The following ARID1A variants were observed in gnomAD, a reference collection of about 807,000 sequenced individuals.
ARID1A encodes AT-rich interactive domain-containing protein 1A.
In ARID1A, 20 loss-of-function variants were observed where a neutral mutation model predicts 212.6. The observed-to-expected ratio is 0.09, with a 90% CI of 0.07 to 0.14. The LOEUF (loss-of-function observed/expected upper bound fraction) is 0.14. Ranked by LOEUF, ARID1A falls within the 10% of genes least tolerant of loss-of-function variation. ARID1A has a pLI of 1.00. For synonymous variants in ARID1A, 1,376 were observed against 1,222.1 expected, an observed-to-expected ratio of 1.13 and a Z score of -2.63; for missense variants, 2,587 against 3,059.0, an observed-to-expected ratio of 0.85 and a Z score of 3.64.
In ARID1A at chr1:26,773,877, A is replaced by T. The variant is rs749049843; in HGVS notation, c.4080A>T (p.Thr1360=). ...GCCCCTTCCCCAGCCAGCAGACTAC[A>T]ATGTATCAACAGCAACAGCAGGTGA... is the stretch of plus-strand genomic sequence containing the variant. ...SGSPFPSQQT[T]MYQQQQQNYK... Residue 1360 remains threonine (T), a synonymous_variant, in exon 17 of 20, where the codon ACA becomes ACT. Coordinates refer to ENST00000324856, the MANE Select transcript of ARID1A (RefSeq NM_006015.6). The T allele has an allele frequency of 1.2e-6, 2 of 1,613,994 alleles. No homozygotes were observed. The highest frequency in any genetic ancestry group is 8.5e-7 in the Non-Finnish European group (1 of 1,180,014).
Position 26,773,505 on chromosome 1 carries a change from G to T in ARID1A, c.3866+9G>T, listed in dbSNP as rs2124111773. On this transcript the variant is annotated intron_variant, in intron 15 of 19. Coordinates refer to ENST00000324856, the MANE Select transcript of ARID1A (RefSeq NM_006015.6). ...CCTTATGACAGAGTGAGGTAAGCAT[G>T]ACCCCAGCTCCTGTCCACTCCCCCA... 6.2e-7 allele frequency: 1 copy of T among 1,612,572 alleles called. No homozygotes were observed. Among genetic ancestry groups the T allele is most frequent in the Non-Finnish European group, 8.5e-7 (1 of 1,178,998 alleles).
chr1:26,779,929 C>T lies in ARID1A; in HGVS notation c.6031C>T (p.Leu2011=), dbSNP rs762402868. The T allele has an allele frequency of 6.2e-7, 1 of 1,614,194 alleles. No homozygotes were observed. The highest frequency in any genetic ancestry group is 8.5e-7 in the Non-Finnish European group (1 of 1,180,022). Residue 2011 remains leucine, a synonymous_variant, in exon 20 of 20, where the codon CTG becomes TTG. Transcript: ENST00000324856. The stretch of plus-strand genomic sequence containing the variant: ...CAAACACCCAGGGCTGCTGCTCATC[C>T]TGGGCAAGCTGATCCTGCTGCACCA... ...MSKHPGLLLI[L]GKLILLHHKH...
chr1:26,705,795 C>A (rs944568188), intron 1 of ARID1A, among the ~76,000 whole-genome samples: 1 of 152,134 alleles, frequency 6.6e-6, no homozygotes, highest in Admixed American at 6.5e-5. Flanking sequence ...GAATGAACTT[C>A]TGTTTGTTTT....
chr1:26,710,827 C>T (rs939513866), intron 1 of ARID1A, among the ~76,000 whole-genome samples: 1 of 152,032 alleles, frequency 6.6e-6, no homozygotes, highest in African/African-American at 2.4e-5. Context: ...TCTATGTGCC[C>T]TCCTATGAAA....
intron 4 of ARID1A, among the ~76,000 whole-genome samples, chr1:26,749,599 G>C (rs1392678867): frequency 6.6e-6 from 1 of 152,144 alleles, no homozygotes; most frequent in Non-Finnish European, 1.5e-5. Context: ...AGTGCCCTCA[G>C]CCTCCACCCA....
At chr1:26,742,846 T>C (rs1397966335) in intron 4 of ARID1A, among the ~76,000 whole-genome samples, 1 of 152,150 alleles carries the variant, frequency 6.6e-6, no homozygotes, top group African/African-American at 2.4e-5. Flanking sequence ...GGCATGCACC[T>C]GTGATCCCAG....
chr1:26,774,143 G>A lies in ARID1A; in HGVS notation c.4102-186G>A, dbSNP rs2081111817. 4.9e-6 allele frequency: 6 copies of A among 1,236,520 alleles called. No individual in the cohort carries two copies. The African/African-American group carries it at 6.1e-5, about 13-fold the overall frequency. 76.6% of individuals were successfully genotyped at this position (1,236,520 alleles called of 1,614,324 possible). ...TTTGTATATTTTTCTACTTAAGCAA[G>A]GGAAGGGAAGAAAGAGTGGTGGTTG... On this transcript the variant is annotated intron_variant, in intron 17 of 19. Coordinates refer to ENST00000324856, the MANE Select transcript of ARID1A (RefSeq NM_006015.6). The surrounding 1 kb of genome is among the most constrained non-coding windows in gnomAD (Gnocchi z 5.6).
chr1:26,765,760 A>T (rs2081033761), intron 8 of ARID1A: 1 of 155,788 alleles, frequency 6.4e-6, no homozygotes. Context: ...GCTATTTGGG[A>T]GGCTGAGAAA....
intron 2 of ARID1A, 34 bp downstream of exon 2, chr1:26,729,897 T>TGC: frequency 6.2e-7 from 1 of 1,601,254 alleles, no homozygotes; most frequent in Non-Finnish European, 8.5e-7. Context: ...TGACCCTTGT[T>TGC]GCTGTCCAAA....
At chr1:26,775,969 A>G in intron 19 of ARID1A, 1 of 594,262 alleles carries the variant, frequency 1.7e-6, no homozygotes, top group Non-Finnish European at 3.2e-6. Context: ...AAGAATTCAG[A>G]TTCAATCGAT....
intron 1 of ARID1A, among the ~76,000 whole-genome samples, chr1:26,710,522 C>CACACACACACACACACAG: frequency 6.6e-6 from 1 of 151,344 alleles, no homozygotes; most frequent in East Asian, 1.9e-4. Flanking sequence ...CACACACACA[C>CACACACACACACACACAG]ACACACCACT....
At position 26,697,029 on chromosome 1, in the gene ARID1A, A is replaced by G. The variant is rs773489918; in HGVS notation, c.626A>G (p.Asn209Ser). ...QQNSHDHGFPNHQYNSYYPNR... is the reference protein window; with the variant it reads ...QQNSHDHGFPSHQYNSYYPNR... ...AACTCTCACGACCACGGCTTCCCCAACCACCAGTACAACTCCTACTACCCC... is the reference window on the plus strand; with the variant it reads ...AACTCTCACGACCACGGCTTCCCCAGCCACCAGTACAACTCCTACTACCCC... Residue 209 changes from asparagine (N) to serine (S), a missense_variant, in exon 1 of 20, where the codon AAC becomes AGC. By Grantham distance (46) the Asn-to-Ser change is conservative. Coordinates refer to ENST00000324856, the MANE Select transcript of ARID1A (RefSeq NM_006015.6). The G allele has an allele frequency of 6.5e-7, 1 of 1,536,682 alleles. No individual in the cohort carries two copies. The highest frequency in any genetic ancestry group is 8.7e-7 in the Non-Finnish European group (1 of 1,145,668).
At position 26,696,765 on chromosome 1, in the gene ARID1A, C is replaced by CCGG. The variant is rs951330386; in HGVS notation, c.372_374dup (p.Gly127dup). On this transcript the variant is annotated inframe_insertion, in exon 1 of 20. Transcript: ENST00000324856. ...CTGAACAATAACCTCACGGAGCCGC[C>CCGG]CGGCGGCGGCGGTGGCGGCAGCAGC... 39 of 1,347,342 alleles carry CCGG rather than the reference C, an allele frequency of 2.9e-5. No homozygotes were observed. Among genetic ancestry groups the CCGG allele is most frequent in the African/African-American group, 1.7e-4 (11 of 64,392 alleles). The allele number at this position is 1,347,342 out of a possible 1,614,324, so 83.5% of individuals were successfully genotyped here.
rs78589690 is a variant in ARID1A at position 26,724,390 on chromosome 1, A to G, written c.1138-5261A>G. 9.2e-3 allele frequency among the ~76,000 whole-genome samples: 1,395 copies of G among 152,116 alleles called. 12 individuals are homozygous for G. Among genetic ancestry groups the G allele is most frequent in the African/African-American group, 0.032 (1,307 of 41,478 alleles). Reference sequence around the variant, plus strand: ...TGGTCACTTCTTTCTATTTCCTTGGATTGGAACTGGAGCTTTCCTCAGTTG... The same window carrying G: ...TGGTCACTTCTTTCTATTTCCTTGGGTTGGAACTGGAGCTTTCCTCAGTTG... On this transcript the variant is annotated intron_variant, in intron 1 of 19. Transcript: ENST00000324856.
chr1:26,699,569 G>A (rs932890353), intron 1 of ARID1A, among the ~76,000 whole-genome samples: 1 of 152,150 alleles, frequency 6.6e-6, no homozygotes, highest in African/African-American at 2.4e-5. Flanking sequence ...CATCTTCCAT[G>A]ATGTTCTGCA....
chr1:26,714,685 G>A (rs2080485228), intron 1 of ARID1A, among the ~76,000 whole-genome samples: 2 of 152,104 alleles, frequency 1.3e-5, no homozygotes, highest in Admixed American at 1.3e-4. Context: ...AAAGTGCTGG[G>A]ATGACAGGCA....
Position 26,775,721 on chromosome 1 carries a change from C to G in ARID1A, c.5124+14C>G. 6.2e-7 allele frequency: 1 copy of G among 1,614,146 alleles called. No homozygotes were observed. The highest frequency in any genetic ancestry group is 8.5e-7 in the Non-Finnish European group (1 of 1,180,018). On this transcript the variant is annotated intron_variant, in intron 19 of 19. Coordinates refer to ENST00000324856, the MANE Select transcript of ARID1A (RefSeq NM_006015.6). The stretch of plus-strand genomic sequence containing the variant: ...AACCTCAGTCAGGTGAGTATCAGTG[C>G]CTGGGGAAGATTGAGAGGGTTTGGG...
chr1:26,719,512 T>A (rs1299414324), intron 1 of ARID1A, among the ~76,000 whole-genome samples: 1 of 152,252 alleles, frequency 6.6e-6, no homozygotes, highest in African/African-American at 2.4e-5. Context: ...TTCACATACT[T>A]ATCGTTTGAA....
At chr1:26,716,981 C>T (rs192312047) in intron 1 of ARID1A, among the ~76,000 whole-genome samples, 66 of 152,198 alleles carry the variant, frequency 4.3e-4, no homozygotes, top group African/African-American at 1.2e-3. Flanking sequence ...TCTTGCTCCC[C>T]GGGTAATAAA....
Sources: allele counts gnomAD v4.1 joint callset (sites outside exome capture counted in the v4.1 genomes callset), GRCh38; gene constraint gnomAD v4.1.1; non-coding constraint Gnocchi (gnomAD v3.1); transcripts MANE v1.5; gene names NCBI Gene and HGNC (gene_info 2026-07-23, HGNC 2026-07-21).